The following PTPN13 variants were observed in gnomAD, a reference collection of about 807,000 sequenced individuals.
PTPN13 encodes protein tyrosine phosphatase non-receptor type 13, also known as tyrosine-protein phosphatase non-receptor type 13.
In PTPN13, 191 loss-of-function variants were observed where a neutral mutation model predicts 284.0. That is an observed-to-expected ratio of 0.67 (90% CI 0.60 to 0.76). The LOEUF (loss-of-function observed/expected upper bound fraction) is 0.76. Among genes scored for constraint, PTPN13 ranks in the 30% least tolerant of loss-of-function variants. PTPN13 has a pLI of 0.00. For missense variants in PTPN13, 2,797 were observed against 2,939.9 expected (o/e 0.95, Z 1.12); for synonymous variants, 986 against 1,022.3 (o/e 0.96, Z 0.68).
At chr4:86,772,359 G>A (rs1043491934) in intron 31 of PTPN13, among the ~76,000 whole-genome samples, 2 of 152,148 alleles carry the variant, frequency 1.3e-5, no homozygotes, top group Non-Finnish European at 2.9e-5. Flanking sequence ...TTCGAGACCA[G>A]CCTGGGCAAC....
At chr4:86,679,332 C>T (rs1165667171) in intron 3 of PTPN13, among the ~76,000 whole-genome samples, 1 of 152,166 alleles carries the variant, frequency 6.6e-6, no homozygotes, top group African/African-American at 2.4e-5. Flanking sequence ...ATCTTGTATA[C>T]AGCAGTGAAG....
intron 40 of PTPN13, among the ~76,000 whole-genome samples, chr4:86,789,335 T>C (rs930841933): frequency 6.6e-6 from 1 of 152,174 alleles, no homozygotes; most frequent in African/African-American, 2.4e-5. Context: ...GCAAAAACTT[T>C]TAGTGACTCT....
rs370470392 is a variant in PTPN13, at chr4:86,751,144, C to G, written c.3166+20C>G. The G allele has an allele frequency of 2.0e-4, 293 of 1,481,734 alleles. No homozygotes were observed. Among genetic ancestry groups the G allele is most frequent in the Non-Finnish European group, 2.6e-4 (281 of 1,064,564 alleles). 91.8% of individuals were successfully genotyped at this position (1,481,734 alleles called of 1,614,324 possible). A position where few individuals can be genotyped will look rare whatever the true frequency, so the allele number is the denominator to read the frequency against. On this transcript the variant is annotated intron_variant, in intron 19 of 47. Coordinates refer to ENST00000411767, the MANE Select transcript of PTPN13 (RefSeq NM_080683.3). ...TTCTAGGTCAGCAAAAACAAGCTTA[C>G]CTTCTTTGTCCCATACCTCATGCTC...
At chr4:86,801,726 A>G (rs1744055520) in intron 42 of PTPN13, among the ~76,000 whole-genome samples, 1 of 152,162 alleles carries the variant, frequency 6.6e-6, no homozygotes, top group Non-Finnish European at 1.5e-5. Flanking sequence ...TGTGCTTTTT[A>G]TATTATCTTG....
intron 47 of PTPN13, 29 bp from the exon 48 acceptor site, chr4:86,814,427 G>T (rs1482584281): frequency 2.9e-6 from 4 of 1,402,294 alleles, no homozygotes; most frequent in Non-Finnish European, 4.0e-6. Flanking sequence ...TACATCTAAA[G>T]TATTCTATCT....
At chr4:86,711,205 ATAGG>A (rs1371854955) in intron 7 of PTPN13, among the ~76,000 whole-genome samples, 1 of 150,360 alleles carries the variant, frequency 6.7e-6, no homozygotes, top group Non-Finnish European at 1.5e-5. Context: ...TGGCCTATAA[ATAGG>A]TAGGTAGGTA....
chr4:86,807,178 A>G (rs2149383594), intron 44 of PTPN13, among the ~76,000 whole-genome samples: 1 of 152,254 alleles, frequency 6.6e-6, no homozygotes, highest in African/African-American at 2.4e-5. Flanking sequence ...TGCTATTATT[A>G]TTATCATCAT....
At chr4:86,617,007 A>C (rs1258266241) in intron 1 of PTPN13, among the ~76,000 whole-genome samples, 1 of 146,286 alleles carries the variant, frequency 6.8e-6, no homozygotes, top group East Asian at 2.1e-4. Flanking sequence ...GGGAGCTGTG[A>C]GCTTGAGTAG....
intron 41 of PTPN13, among the ~76,000 whole-genome samples, chr4:86,797,320 T>C (rs10026645): frequency 0.1 from 15,309 of 151,942 alleles, 890 homozygotes; most frequent in Non-Finnish European, 0.11. Flanking sequence ...GGTGAAACCC[T>C]GCCTCTACTA....
At chr4:86,640,457 T>C (rs1221030387) in intron 2 of PTPN13, among the ~76,000 whole-genome samples, 1 of 152,202 alleles carries the variant, frequency 6.6e-6, no homozygotes, top group Non-Finnish European at 1.5e-5. Flanking sequence ...ACCTTCTACT[T>C]GTGAGGTATT....
At chr4:86,689,837 T>C (rs1215897532) in intron 5 of PTPN13, 1 of 681,624 alleles carries the variant, frequency 1.5e-6, no homozygotes, top group Non-Finnish European at 2.7e-6. Flanking sequence ...GTATTTTATC[T>C]TGTTTGCCCT....
chr4:86,616,607 C>T (rs1720573780), intron 1 of PTPN13, among the ~76,000 whole-genome samples: 1 of 151,954 alleles, frequency 6.6e-6, no homozygotes, highest in Non-Finnish European at 1.5e-5. Flanking sequence ...GATAAGTGAG[C>T]TCTTGCTCTG....
At position 86,807,628 on chromosome 4, in the gene PTPN13, G is replaced by T. The variant is rs1349635551; in HGVS notation, c.6814G>T (p.Val2272Phe). The change falls in exon 45 of 48, where the codon GTT (valine) becomes TTT (phenylalanine). Residue 2272 changes from valine to phenylalanine, a missense_variant. By Grantham distance (50) the Val-to-Phe change is conservative. Coordinates refer to ENST00000411767, the MANE Select transcript of PTPN13 (RefSeq NM_080683.3). ...YINASFIKIPVGKEEFVYIAC... is the reference protein window; with the variant it reads ...YINASFIKIPFGKEEFVYIAC... ...CAATGCCAGCTTCATTAAGATACCA[G>T]TTGGGAAAGAAGAGTTCGTTTACAT... 2 of 1,614,008 alleles carry T rather than the reference G, an allele frequency of 1.2e-6. No individual in the cohort carries two copies. Among genetic ancestry groups the T allele is most frequent in the Middle Eastern group, 3.3e-4 (2 of 6,062 alleles).
At chr4:86,776,316 A>G (rs949119854) in intron 35 of PTPN13, among the ~76,000 whole-genome samples, 3 of 152,202 alleles carry the variant, frequency 2.0e-5, no homozygotes, top group Non-Finnish European at 4.4e-5. Context: ...AAATCTGATC[A>G]GGGCTCTACC....
intron 6 of PTPN13, among the ~76,000 whole-genome samples, chr4:86,694,029 C>G (rs562055156): frequency 6.6e-6 from 1 of 151,556 alleles, no homozygotes; most frequent in East Asian, 1.9e-4. Context: ...TGAACATAAA[C>G]ACTACTGAAA....
chr4:86,703,108 T>C (rs1341035560), intron 7 of PTPN13, among the ~76,000 whole-genome samples: 1 of 152,100 alleles, frequency 6.6e-6, no homozygotes, highest in Non-Finnish European at 1.5e-5. Flanking sequence ...TTTGAAATTA[T>C]GGAGGAAATT....
chr4:86,735,876 C>T, intron 15 of PTPN13, 130 bp downstream of exon 15: 3 of 773,500 alleles, frequency 3.9e-6, no homozygotes, highest in African/African-American at 1.8e-5. Flanking sequence ...TCATTGCTGG[C>T]TAAAATTATG....
chr4:86,706,802 G>A (rs993604834), intron 7 of PTPN13, among the ~76,000 whole-genome samples: 1 of 152,174 alleles, frequency 6.6e-6, no homozygotes, highest in Admixed American at 6.5e-5. Context: ...TAGGGAAGGG[G>A]CAGGAAGAAA....
In PTPN13 at chr4:86,775,443, T is replaced by C. The variant is rs774928725; in HGVS notation, c.5682T>C (p.Gly1894=). 4 of 1,602,208 alleles carry C rather than the reference T, an allele frequency of 2.5e-6. No homozygotes were observed. In the Admixed American group the frequency reaches 6.7e-5, roughly 27 times the overall value. Residue 1894 remains glycine, a splice_region_variant and synonymous_variant, in exon 35 of 48, where the codon GGT becomes GGC. Transcript: ENST00000411767. ...ITLTCNKEEL[G]FSLCGGHDSL... ...ACAAATATTTTCTATTATTTCAAGG[T>C]TTTTCCTTATGTGGAGGTCATGACA... is the stretch of plus-strand genomic sequence containing the variant.
Sources: gnomAD v4.1 joint callset for allele counts (sites outside exome capture counted in the v4.1 genomes callset) on GRCh38, gnomAD v4.1.1 for gene constraint, MANE v1.5 for transcripts, NCBI Gene and HGNC (gene_info 2026-07-23, HGNC 2026-07-21) for gene names.